MRPL15: variants seen among roughly 807,000 people sequenced by gnomAD.
MRPL15 encodes large ribosomal subunit protein uL15m.
In MRPL15, 24 loss-of-function variants were observed where a neutral mutation model predicts 28.0. That is an observed-to-expected ratio of 0.86 (90% CI 0.62 to 1.21). MRPL15 has a LOEUF of 1.21. Among genes scored for constraint, MRPL15 ranks in the 50% most tolerant of loss-of-function variants. The pLI, the probability that MRPL15 is intolerant of heterozygous loss-of-function variation, is 0.00. For synonymous variants in MRPL15, 124 were observed against 137.0 expected (o/e 0.90, Z 0.66); for missense variants, 343 against 372.4 (o/e 0.92, Z 0.65).
chr8:54,139,972 A>G (rs929819340), intron 3 of MRPL15, among the ~76,000 whole-genome samples: 2 of 152,216 alleles, frequency 1.3e-5, no homozygotes, highest in African/African-American at 4.8e-5. Context: ...GGTACTGTTG[A>G]TTTTAAACAT....
At position 54,142,750 on chromosome 8, in the gene MRPL15, G is replaced by A. The variant is rs760185705; in HGVS notation, c.517G>A (p.Val173Ile). Reference sequence around the variant, plus strand: ...TGCTGCCATTGAAAAAAATGGTGGTGTTGTTACTACAGCCTTCTATGATCC... The same window carrying A: ...TGCTGCCATTGAAAAAAATGGTGGTATTGTTACTACAGCCTTCTATGATCC... ...AIAAIEKNGGVVTTAFYDPRS... is the reference protein window; with the variant it reads ...AIAAIEKNGGIVTTAFYDPRS... The change falls in exon 4 of 5, where the codon GTT becomes ATT. Residue 173 changes from valine to isoleucine, a missense_variant. Coordinates refer to ENST00000260102, the MANE Select transcript of MRPL15 (RefSeq NM_014175.4). The A allele has an allele frequency of 6.2e-7, 1 of 1,614,120 alleles. No homozygotes were observed. Among genetic ancestry groups the A allele is most frequent in the Non-Finnish European group, 8.5e-7 (1 of 1,180,008 alleles).
chr8:54,136,719 C>T (rs1810834134), intron 2 of MRPL15, 54 bp downstream of exon 2: 23 of 1,532,614 alleles, frequency 1.5e-5, no homozygotes, highest in Non-Finnish European at 2.0e-5. Flanking sequence ...TTAAAAAGCA[C>T]CTAAAAATAG....
intron 3 of MRPL15, among the ~76,000 whole-genome samples, chr8:54,137,765 G>T (rs182556086): frequency 1.9e-4 from 29 of 151,604 alleles, no homozygotes; most frequent in Admixed American, 3.3e-4. Flanking sequence ...TGCCTGGCCC[G>T]TAGGAGATAT....
intron 3 of MRPL15, among the ~76,000 whole-genome samples, chr8:54,142,304 G>A (rs1045984993): frequency 2.6e-5 from 4 of 151,544 alleles, no homozygotes; most frequent in Non-Finnish European, 4.4e-5. Context: ...ACAGGCACGC[G>A]GCACCACACC....
chr8:54,139,511 T>C (rs1810884099), intron 3 of MRPL15, among the ~76,000 whole-genome samples: 1 of 152,146 alleles, frequency 6.6e-6, no homozygotes, highest in Non-Finnish European at 1.5e-5. Context: ...CCTGAGTGTA[T>C]ATAAAGAAAT....
chr8:54,144,430 C>T (rs951970919), intron 4 of MRPL15, among the ~76,000 whole-genome samples: 1 of 152,052 alleles, frequency 6.6e-6, no homozygotes, highest in Non-Finnish European at 1.5e-5. Flanking sequence ...GAGTTTGAAA[C>T]AAATAACTAC....
At chr8:54,142,890 G>A (rs1810955646) in intron 4 of MRPL15, 104 bp downstream of exon 4, 1 of 1,460,492 alleles carries the variant, frequency 6.8e-7, no homozygotes, top group Non-Finnish European at 9.4e-7. Context: ...TAGTTTGGAT[G>A]TAGTATTGAT....
chr8:54,140,142 C>T (rs1344098016), intron 3 of MRPL15, among the ~76,000 whole-genome samples: 1 of 152,178 alleles, frequency 6.6e-6, no homozygotes, highest in African/African-American at 2.4e-5. Flanking sequence ...GTAATGCTGC[C>T]ATCTTTTTGC....
intron 4 of MRPL15, among the ~76,000 whole-genome samples, chr8:54,145,270 A>G (rs1811023587): frequency 6.6e-6 from 1 of 152,138 alleles, no homozygotes; most frequent in Non-Finnish European, 1.5e-5. Flanking sequence ...GCTGGAATGT[A>G]GTGGTGTGAT....
Position 54,147,414 on chromosome 8 carries a change from C to G in MRPL15, c.586C>G (p.Arg196Gly). 1 of 1,612,288 alleles carries G rather than the reference C, an allele frequency of 6.2e-7. No homozygotes were observed. The highest frequency in any genetic ancestry group is 1.3e-5 in the African/African-American group (1 of 74,942). The change falls in exon 5 of 5, where the codon CGT becomes GGT. Residue 196 changes from arginine to glycine, a missense_variant. Physicochemically the swap from Arg to Gly is moderately radical, Grantham distance 125 (BLOSUM62 -2). Transcript: ENST00000260102. Reference protein sequence around the residue: ...IVCKPVPFFLRGQPIPKRMLP... With the variant: ...IVCKPVPFFLGGQPIPKRMLP... ...ATGCAAACCTGTTCCATTCTTTCTT[C>G]GTGGACAACCCATTCCAAAAAGAAT...
chr8:54,138,632 T>C (rs902139915), intron 3 of MRPL15, among the ~76,000 whole-genome samples: 4 of 152,026 alleles, frequency 2.6e-5, no homozygotes, highest in Non-Finnish European at 4.4e-5. Context: ...AAGGTCTTTT[T>C]TGAGAGTCTT....
Position 54,137,444 on chromosome 8 carries a change from A to G in MRPL15, c.429+11A>G, listed in dbSNP as rs1810845082. 6.2e-7 allele frequency: 1 copy of G among 1,612,262 alleles called. No homozygotes were observed. The highest frequency in any genetic ancestry group is 8.5e-7 in the Non-Finnish European group (1 of 1,179,448). On this transcript the variant is annotated intron_variant, in intron 3 of 4. Coordinates refer to ENST00000260102, the MANE Select transcript of MRPL15 (RefSeq NM_014175.4). ...CAGCTGGTTGAGGAGGTAAGTCTTG[A>G]TTAGATCTTTTGGTGTTATATAGGA...
intron 4 of MRPL15, among the ~76,000 whole-genome samples, chr8:54,144,524 A>C (rs1034675569): frequency 6.6e-6 from 1 of 152,182 alleles, no homozygotes; most frequent in Non-Finnish European, 1.5e-5. Context: ...TAATCCCAGC[A>C]CTTTGGGAAG....
chr8:54,144,644 G>T (rs898901532), intron 4 of MRPL15, among the ~76,000 whole-genome samples: 1 of 151,916 alleles, frequency 6.6e-6, no homozygotes, highest in Non-Finnish European at 1.5e-5. Context: ...GGTGGCAGGC[G>T]CATGTAATCC....
intron 4 of MRPL15, 29 bp from the exon 5 acceptor site, chr8:54,147,353 T>G (rs1811060159): frequency 6.5e-7 from 1 of 1,537,378 alleles, no homozygotes; most frequent in African/African-American, 1.4e-5. Context: ...TATTTGCATC[T>G]CACTTTTTAA....
intron 1 of MRPL15, among the ~76,000 whole-genome samples, chr8:54,135,828 C>A (rs1474025557): frequency 6.6e-6 from 1 of 152,120 alleles, no homozygotes; most frequent in East Asian, 1.9e-4. Context: ...CGGCCGCACC[C>A]AGTTCTTAAT....
Position 54,137,158 on chromosome 8 carries a change from G to A in MRPL15, c.264-110G>A, listed in dbSNP as rs1810838277. 5 of 1,114,342 alleles carry A rather than the reference G, an allele frequency of 4.5e-6. No homozygotes were observed. The Admixed American group carries it at 1.1e-4, about 25-fold the overall frequency. The allele number at this position is 1,114,342 out of a possible 1,614,324, so 69.0% of individuals were successfully genotyped here. A position where few individuals can be genotyped will look rare whatever the true frequency, so the allele number is the denominator to read the frequency against. ...TTTGTGTTACACTCAAGAGGGTTTT[G>A]TTTAGTTAAATAAAATTGGTGGAGG... On this transcript the variant is annotated intron_variant, in intron 2 of 4. Coordinates refer to ENST00000260102, the MANE Select transcript of MRPL15 (RefSeq NM_014175.4).
chr8:54,137,727 G>A (rs1810851684), intron 3 of MRPL15, among the ~76,000 whole-genome samples: 1 of 152,108 alleles, frequency 6.6e-6, no homozygotes, highest in Non-Finnish European at 1.5e-5. Context: ...GCCTCCCAAA[G>A]TGCTGGAATT....
intron 4 of MRPL15, among the ~76,000 whole-genome samples, chr8:54,145,216 G>T (rs1369577881): frequency 6.6e-6 from 1 of 152,160 alleles, no homozygotes; most frequent in Non-Finnish European, 1.5e-5. Context: ...AGTTTTCCAA[G>T]TTATAGAAAA....
Sources: gnomAD v4.1 joint callset for allele counts (sites outside exome capture counted in the v4.1 genomes callset) on GRCh38, gnomAD v4.1.1 for gene constraint, MANE v1.5 for transcripts, NCBI Gene and HGNC (gene_info 2026-07-23, HGNC 2026-07-21) for gene names.